The following DCAF6 variants were observed in gnomAD, a reference collection of about 807,000 sequenced individuals.
DCAF6 encodes the protein DDB1 and CUL4 associated factor 6.
DCAF6 carries 54 observed loss-of-function variants against 125.1 expected under a neutral mutation model. The ratio of observed to expected loss-of-function variants is 0.43; its 90% CI spans 0.35 to 0.54. DCAF6 has a LOEUF of 0.54. Ranked by LOEUF, DCAF6 falls within the 20% of genes least tolerant of loss-of-function variation. DCAF6 has a pLI of 0.01. For synonymous variants in DCAF6, 371 were observed against 390.4 expected (o/e 0.95, Z 0.58); for missense variants, 934 against 1,161.7 (o/e 0.80, Z 2.85).
In DCAF6 at chr1:168,009,240, C is replaced by T. The variant is rs562457724; in HGVS notation, c.1378+4447C>T. Among the ~76,000 whole-genome samples the T allele has an allele frequency of 9.9e-5, 15 of 151,982 alleles. No individual in the cohort carries two copies. In the East Asian group the frequency reaches 1.6e-3, roughly 16 times the overall value. The stretch of plus-strand genomic sequence containing the variant: ...GTCTCAATCTCCTGACCTTGTGATC[C>T]GCCCTCCTCGGCCTCCCAAAGTGCT... On this transcript the variant is annotated intron_variant, in intron 10 of 21. Coordinates refer to ENST00000367840, the MANE Select transcript of DCAF6 (RefSeq NM_001198956.2).
chr1:167,970,818 A>T (rs1677194582), intron 3 of DCAF6, among the ~76,000 whole-genome samples: 1 of 152,110 alleles, frequency 6.6e-6, no homozygotes, highest in Non-Finnish European at 1.5e-5. Flanking sequence ...TGAAACACTT[A>T]GTTTTTTAAA....
the DCAF6 span, among the ~76,000 whole-genome samples, chr1:167,879,058 A>G: frequency 6.6e-6 from 1 of 152,090 alleles, no homozygotes; most frequent in Admixed American, 6.5e-5. Context: ...CTATGAATAA[A>G]CCTTCATTTG....
At chr1:167,937,129 G>T in intron 1 of DCAF6, 121 bp downstream of exon 1, 1 of 807,102 alleles carries the variant, frequency 1.2e-6, no homozygotes, top group Non-Finnish European at 2.0e-6. Flanking sequence ...AGACTCTGGG[G>T]TGTTGGGTGG....
intron 4 of DCAF6, among the ~76,000 whole-genome samples, chr1:167,976,886 G>GTTTTTTTTTTTTTTTTTTT (rs397981860): frequency 2.6e-5 from 1 of 38,010 alleles, no homozygotes; most frequent in African/African-American, 8.2e-5. Flanking sequence ...TCCTTTAGCA[G>GTTTTTTTTTTTTTTTTTTT]TTTTTTTTTT....
At chr1:167,907,766 C>G in the DCAF6 span, among the ~76,000 whole-genome samples, 1 of 152,216 alleles carries the variant, frequency 6.6e-6, no homozygotes, top group Non-Finnish European at 1.5e-5. Flanking sequence ...AATCAAGAGA[C>G]TGCTATAGAC....
intron 21 of DCAF6, among the ~76,000 whole-genome samples, chr1:168,068,703 C>T (rs1324053308): frequency 2.6e-5 from 4 of 152,082 alleles, no homozygotes; most frequent in Admixed American, 1.3e-4. Context: ...AAACTCTTAT[C>T]AGCTGCTGTT....
At chr1:167,950,744 C>G (rs1673798367) in intron 1 of DCAF6, among the ~76,000 whole-genome samples, 1 of 152,180 alleles carries the variant, frequency 6.6e-6, no homozygotes, top group African/African-American at 2.4e-5. Flanking sequence ...AGCCTTCTTT[C>G]ATTACAGCTT....
the DCAF6 span, among the ~76,000 whole-genome samples, chr1:167,877,640 T>A: frequency 3.3e-5 from 5 of 152,052 alleles, no homozygotes; most frequent in Admixed American, 1.3e-4. Context: ...AGGAAGTGAA[T>A]AATTGTGATA....
the DCAF6 span, among the ~76,000 whole-genome samples, chr1:167,866,292 G>C: frequency 1.3e-4 from 20 of 152,238 alleles, 1 homozygote; most frequent in South Asian, 4.1e-3. Flanking sequence ...CGACTCTCAC[G>C]TCCATTTAGA....
intron 1 of DCAF6, among the ~76,000 whole-genome samples, chr1:167,939,350 G>T (rs1355164683): frequency 2.6e-5 from 4 of 151,614 alleles, no homozygotes; most frequent in African/African-American, 9.8e-5. Flanking sequence ...ATACAATCAA[G>T]TTAATTAACA....
At chr1:167,904,004 T>C in the DCAF6 span, 3 of 1,591,126 alleles carry the variant, frequency 1.9e-6, no homozygotes, top group African/African-American at 2.7e-5. Context: ...GGAATAAATG[T>C]GCAGCTGGTT....
rs1693164135 is a variant in DCAF6 at position 168,072,294 on chromosome 1, T to TTA, written c.2792-3077_2792-3076insTA. On this transcript the variant is annotated intron_variant, in intron 21 of 21. Transcript: ENST00000367840. Reference sequence around the variant, plus strand: ...CCTGGTGACAGAGGGAGAATCAGTCTAAAAAAAAAAAAAAAAAAAAAAAAA... The same window carrying TTA: ...CCTGGTGACAGAGGGAGAATCAGTCTTAAAAAAAAAAAAAAAAAAAAAAAAAA... Among the ~76,000 whole-genome samples the TTA allele has an allele frequency of 7.6e-4, 31 of 41,012 alleles. 1 individual carries two copies. The highest frequency in any genetic ancestry group is 2.5e-3 in the African/African-American group (30 of 12,224). 26.9% of individuals were successfully genotyped at this position (41,012 alleles called of 152,430 possible).
chr1:167,918,959 A>G, the DCAF6 span, among the ~76,000 whole-genome samples: 1 of 152,164 alleles, frequency 6.6e-6, no homozygotes, highest in Non-Finnish European at 1.5e-5. Flanking sequence ...TTTAATAAAA[A>G]TATTCTCATT....
chr1:167,971,513 A>G (rs1677298080), intron 3 of DCAF6, among the ~76,000 whole-genome samples: 1 of 152,192 alleles, frequency 6.6e-6, no homozygotes, highest in African/African-American at 2.4e-5. Flanking sequence ...AAGGGATTAA[A>G]AAACCATCCT....
rs946074912 is a variant in DCAF6, at chr1:168,057,775, G to A, written c.2301-5846G>A. On this transcript the variant is annotated intron_variant, in intron 17 of 21. Coordinates refer to ENST00000367840, the MANE Select transcript of DCAF6 (RefSeq NM_001198956.2). ...TTAAGGACCCCTAATCTAACCTGAGGAAGGGGAGAATTGTATTTTTATAAT... is the reference window on the plus strand; with the variant it reads ...TTAAGGACCCCTAATCTAACCTGAGAAAGGGGAGAATTGTATTTTTATAAT... Among the ~76,000 whole-genome samples, 3 of 152,134 alleles carry A rather than the reference G, an allele frequency of 2.0e-5. No individual in the cohort carries two copies. In the East Asian group the frequency reaches 5.8e-4, roughly 29 times the overall value.
chr1:168,054,873 G>T (rs1476561019), intron 17 of DCAF6, among the ~76,000 whole-genome samples: 1 of 149,876 alleles, frequency 6.7e-6, no homozygotes, highest in Non-Finnish European at 1.5e-5. Context: ...CTGCAGTGCA[G>T]TGGTGTGAAC....
chr1:167,899,008 A>G, the DCAF6 span, among the ~76,000 whole-genome samples: 2 of 152,108 alleles, frequency 1.3e-5, no homozygotes, highest in Non-Finnish European at 2.9e-5. Context: ...GCACTTGCTC[A>G]ACTCCAACCT....
chr1:168,003,522 A>T (rs1383851914), intron 8 of DCAF6, among the ~76,000 whole-genome samples: 1 of 152,168 alleles, frequency 6.6e-6, no homozygotes, highest in African/African-American at 2.4e-5. Flanking sequence ...AATCTATTAA[A>T]CTTAGAATTC....
intron 7 of DCAF6, among the ~76,000 whole-genome samples, chr1:167,996,954 T>G (rs1681807979): frequency 6.6e-6 from 1 of 152,190 alleles, no homozygotes; most frequent in African/African-American, 2.4e-5. Flanking sequence ...TTTATTTCTC[T>G]CCATAACAGT....
Sources: gnomAD v4.1 joint callset for allele counts (sites outside exome capture counted in the v4.1 genomes callset) on GRCh38, gnomAD v4.1.1 for gene constraint, MANE v1.5 for transcripts, NCBI Gene and HGNC (gene_info 2026-07-23, HGNC 2026-07-21) for gene names.